Variants in ACCSL observed in about 807,000 individuals in gnomAD.
The protein encoded by ACCSL is probable inactive 1-aminocyclopropane-1-carboxylate synthase-like protein 2.
Under a neutral mutation model 61.7 loss-of-function variants are expected in ACCSL, and 55 were observed. The ratio of observed to expected loss-of-function variants is 0.89; its 90% CI spans 0.72 to 1.12. The LOEUF (loss-of-function observed/expected upper bound fraction) is 1.12. ACCSL is among the 50% of genes most tolerant of loss of function. The probability of loss-of-function intolerance (pLI) is 0.00; values close to 1 mark genes in which losing one functional copy is unlikely to be tolerated. For synonymous variants in ACCSL, 258 were observed against 264.3 expected, an observed-to-expected ratio of 0.98 and a Z score of 0.23; for missense variants, 632 against 698.0, an observed-to-expected ratio of 0.91 and a Z score of 1.07.
the ACCSL span, among the ~76,000 whole-genome samples, chr11:44,027,448 G>T: frequency 9.2e-5 from 14 of 152,318 alleles, no homozygotes; most frequent in East Asian, 5.8e-4. Flanking sequence ...TAAAGTAAAT[G>T]TTCCAATAAA....
upstream of ACCSL, among the ~76,000 whole-genome samples, chr11:44,043,182 C>T (rs1590424968): frequency 1.3e-5 from 2 of 152,022 alleles, no homozygotes; most frequent in South Asian, 2.1e-4. Flanking sequence ...ATAAGTATAC[C>T]GTTTGAGCTT....
chr11:44,010,477 G>T, the ACCSL span, among the ~76,000 whole-genome samples: 1 of 152,310 alleles, frequency 6.6e-6, no homozygotes, highest in Non-Finnish European at 1.5e-5. Context: ...GTTAATGCAG[G>T]TTTTTCAGAG....
the ACCSL span, among the ~76,000 whole-genome samples, chr11:43,960,504 C>A: frequency 1.4e-4 from 21 of 152,030 alleles, no homozygotes; most frequent in African/African-American, 5.1e-4. Flanking sequence ...TTCTCCTCAG[C>A]CTCCCGAGTA....
At chr11:44,025,997 A>C in the ACCSL span, among the ~76,000 whole-genome samples, 1 of 152,176 alleles carries the variant, frequency 6.6e-6, no homozygotes, top group Non-Finnish European at 1.5e-5. Flanking sequence ...CCATTTGACT[A>C]GGGTGTGTCA....
At chr11:44,031,881 A>G in the ACCSL span, among the ~76,000 whole-genome samples, 146 of 151,438 alleles carry the variant, frequency 9.6e-4, no homozygotes, top group Middle Eastern at 0.02. Flanking sequence ...AGTCAATTAA[A>G]CTCCCTCCAG....
At chr11:43,938,591 G>A in the ACCSL span, among the ~76,000 whole-genome samples, 1 of 152,158 alleles carries the variant, frequency 6.6e-6, no homozygotes, top group African/African-American at 2.4e-5. Context: ...ATCACCTGAG[G>A]TCAGGAGTTT....
upstream of ACCSL, among the ~76,000 whole-genome samples, chr11:44,046,010 G>A (rs889942788): frequency 3.9e-5 from 6 of 152,206 alleles, no homozygotes; most frequent in African/African-American, 1.4e-4. Context: ...AGGGATGATA[G>A]GCACCACCTT....
chr11:43,934,086 C>G, the ACCSL span, among the ~76,000 whole-genome samples: 3 of 152,144 alleles, frequency 2.0e-5, no homozygotes, highest in African/African-American at 7.2e-5. Flanking sequence ...CTCTCCCTCT[C>G]TGTGTGTCTT....
At chr11:44,017,336 T>C in the ACCSL span, among the ~76,000 whole-genome samples, 1 of 152,184 alleles carries the variant, frequency 6.6e-6, no homozygotes, top group Non-Finnish European at 1.5e-5. Flanking sequence ...CTGTGTAGGT[T>C]GTGCACTGCA....
the ACCSL span, chr11:43,943,859 A>T: frequency 7.8e-7 from 1 of 1,274,544 alleles, no homozygotes; most frequent in Admixed American, 2.5e-5. This position sits in a 1 kb window ranked among gnomAD's most constrained non-coding sequence, Gnocchi z 4.8. Context: ...GGAGACAAAT[A>T]AAGTCAATAT....
At chr11:44,005,522 G>A in the ACCSL span, among the ~76,000 whole-genome samples, 1 of 152,148 alleles carries the variant, frequency 6.6e-6, no homozygotes, top group South Asian at 2.1e-4. Context: ...CAGCGCTGAG[G>A]GAGGGAGTGC....
the ACCSL span, among the ~76,000 whole-genome samples, chr11:43,965,186 A>C: frequency 6.6e-6 from 1 of 152,132 alleles, no homozygotes; most frequent in Admixed American, 6.5e-5. Context: ...TATATGTAGA[A>C]AATCCTAAAG....
the ACCSL span, among the ~76,000 whole-genome samples, chr11:44,012,261 C>T: frequency 6.6e-6 from 1 of 152,006 alleles, no homozygotes; most frequent in South Asian, 2.1e-4. Flanking sequence ...CTCTTATATA[C>T]TCTTCTTGGG....
At chr11:44,001,797 G>A in the ACCSL span, among the ~76,000 whole-genome samples, 1 of 148,404 alleles carries the variant, frequency 6.7e-6, no homozygotes, top group African/African-American at 2.5e-5. Context: ...GTGTGTGTGT[G>A]TGTGTGTGTG....
the ACCSL span, among the ~76,000 whole-genome samples, chr11:43,962,100 C>T: frequency 6.6e-6 from 1 of 152,122 alleles, no homozygotes; most frequent in Non-Finnish European, 1.5e-5. Flanking sequence ...CTCTCCCCCT[C>T]CCTCTCTCCC....
At chr11:43,960,784 A>G in the ACCSL span, among the ~76,000 whole-genome samples, 1 of 152,026 alleles carries the variant, frequency 6.6e-6, no homozygotes, top group Non-Finnish European at 1.5e-5. Context: ...GGAGAAATAT[A>G]TTTCTATTCT....
At chr11:43,972,098 T>C in the ACCSL span, among the ~76,000 whole-genome samples, 3 of 152,206 alleles carry the variant, frequency 2.0e-5, no homozygotes, top group African/African-American at 7.2e-5. Flanking sequence ...CAATAAATAC[T>C]TGTCAACTGC....
chr11:43,978,783 G>GTTTTTTTTTTTTTTTTT, the ACCSL span, among the ~76,000 whole-genome samples: 1 of 79,084 alleles, frequency 1.3e-5, no homozygotes, highest in African/African-American at 4.8e-5. Flanking sequence ...GAGAAGGTGG[G>GTTTTTTTTTTTTTTTTT]TTTTTTTTTT....
chr11:44,002,247 C>T, the ACCSL span, among the ~76,000 whole-genome samples: 1 of 152,062 alleles, frequency 6.6e-6, no homozygotes, highest in Non-Finnish European at 1.5e-5. Context: ...GAGAGCGCGC[C>T]TCCCCATGCT....
Sources: allele counts gnomAD v4.1 joint callset (sites outside exome capture counted in the v4.1 genomes callset), GRCh38; gene constraint gnomAD v4.1.1; non-coding constraint Gnocchi (gnomAD v3.1); transcripts MANE v1.5; gene names NCBI Gene and HGNC (gene_info 2026-07-23, HGNC 2026-07-21).